Variants in NUP155 observed in about 807,000 individuals in gnomAD.
NUP155 encodes the protein nucleoporin 155, also known as nuclear pore complex protein Nup155.
A neutral mutation model predicts 180.4 loss-of-function variants in NUP155; 71 were observed. The observed-to-expected ratio is 0.39, with a 90% CI of 0.33 to 0.48. The LOEUF is 0.48. Ranked by LOEUF, NUP155 falls within the 20% of genes least tolerant of loss-of-function variation. The probability of loss-of-function intolerance (pLI) is 0.91; values close to 1 mark genes in which losing one functional copy is unlikely to be tolerated. For missense variants in NUP155, 1,553 were observed against 1,648.9 expected (o/e 0.94, Z 1.01); for synonymous variants, 582 against 559.5 (o/e 1.04, Z -0.57).
In NUP155 at chr5:37,333,556, A is replaced by G. The variant is rs1745116885; in HGVS notation, c.1425T>C (p.Pro475=). The change falls in exon 13 of 35, where the codon CCT becomes CCC. Residue 475 remains proline (P), a synonymous_variant. Coordinates refer to ENST00000231498, the MANE Select transcript of NUP155 (RefSeq NM_153485.3). Reference sequence around the variant, plus strand: ...TTATTGGAATATGATCCTTGTTTAAAGGTGTAATTATTTTATCTACTTTCA... The same window carrying G: ...TTATTGGAATATGATCCTTGTTTAAGGGTGTAATTATTTTATCTACTTTCA... ...DELKVDKIIT[P]LNKDHIPITD... is the part of the protein sequence containing the mutation. 1 of 1,613,806 alleles carries G rather than the reference A, an allele frequency of 6.2e-7. No individual in the cohort carries two copies. Among genetic ancestry groups the G allele is most frequent in the South Asian group, 1.1e-5 (1 of 91,084 alleles).
intron 12 of NUP155, among the ~76,000 whole-genome samples, chr5:37,337,355 CTT>C (rs1745397209): frequency 1.3e-5 from 2 of 151,668 alleles, no homozygotes; most frequent in African/African-American, 4.8e-5. Context: ...ACTCTTCAAA[CTT>C]TATGTTTGAA....
intron 20 of NUP155, among the ~76,000 whole-genome samples, chr5:37,322,368 T>C (rs1414218568): frequency 1.3e-5 from 2 of 152,280 alleles, no homozygotes; most frequent in East Asian, 1.9e-4. Flanking sequence ...TGCCATGTGA[T>C]TATTATTTTT....
intron 30 of NUP155, among the ~76,000 whole-genome samples, chr5:37,300,025 CAAA>C (rs34593365): frequency 2.3e-5 from 2 of 87,888 alleles, no homozygotes; most frequent in Non-Finnish European, 4.9e-5. Context: ...CTCCCCCCGC[CAAA>C]AAAAAAAAAA....
intron 25 of NUP155, among the ~76,000 whole-genome samples, chr5:37,306,063 T>G (rs1743136354): frequency 6.6e-6 from 1 of 152,088 alleles, no homozygotes; most frequent in Non-Finnish European, 1.5e-5. Flanking sequence ...TGGTTAAACA[T>G]TAAAAGGGTA....
chr5:37,368,339 C>G (rs912146805), intron 1 of NUP155, among the ~76,000 whole-genome samples: 1 of 151,114 alleles, frequency 6.6e-6, no homozygotes, highest in African/African-American at 2.4e-5. Flanking sequence ...CCCACCTCAG[C>G]CTCCCAAGTA....
At chr5:37,328,104 A>G (rs1744724160) in intron 17 of NUP155, among the ~76,000 whole-genome samples, 1 of 152,234 alleles carries the variant, frequency 6.6e-6, no homozygotes, top group African/African-American at 2.4e-5. Context: ...AATAGAACTG[A>G]TTACACAGAT....
At chr5:37,345,772 T>C (rs1746040937) in intron 9 of NUP155, among the ~76,000 whole-genome samples, 1 of 151,672 alleles carries the variant, frequency 6.6e-6, no homozygotes, top group African/African-American at 2.4e-5. Context: ...GGCACAGTGG[T>C]GCGCGCCTAT....
chr5:37,316,473 A>AT (rs920144997), intron 21 of NUP155, among the ~76,000 whole-genome samples: 2 of 151,874 alleles, frequency 1.3e-5, no homozygotes, highest in African/African-American at 2.4e-5. Context: ...TTTGGTGTTT[A>AT]TTTTTTTTAA....
intron 24 of NUP155, among the ~76,000 whole-genome samples, chr5:37,307,779 G>A (rs556656650): frequency 7.2e-5 from 11 of 151,870 alleles, no homozygotes; most frequent in South Asian, 2.1e-4. Context: ...AAAATTAGCT[G>A]GGCCTGGTGG....
intron 23 of NUP155, among the ~76,000 whole-genome samples, chr5:37,310,247 G>A (rs1047608777): frequency 6.6e-6 from 1 of 152,134 alleles, no homozygotes; most frequent in Non-Finnish European, 1.5e-5. Context: ...GCCTGCTTGA[G>A]TCTAGGACTT....
intron 9 of NUP155, among the ~76,000 whole-genome samples, chr5:37,347,940 T>C (rs1746206096): frequency 6.6e-6 from 1 of 151,724 alleles, no homozygotes; most frequent in South Asian, 2.1e-4. Context: ...ATCGAGACCA[T>C]CCTGGCCAAC....
chr5:37,359,896 T>A (rs1442308560), intron 3 of NUP155, among the ~76,000 whole-genome samples: 1 of 152,150 alleles, frequency 6.6e-6, no homozygotes, highest in Non-Finnish European at 1.5e-5. Context: ...GACGTGTGGA[T>A]CACTTGAGGC....
At chr5:37,355,561 A>G (rs929492802) in intron 4 of NUP155, among the ~76,000 whole-genome samples, 1 of 136,518 alleles carries the variant, frequency 7.3e-6, no homozygotes. Context: ...ATATATATAT[A>G]TTTATTTATT....
In NUP155 at chr5:37,330,062, G is replaced by T. The variant is rs746087822; in HGVS notation, c.1700C>A (p.Ala567Asp). 11 of 1,613,430 alleles carry T rather than the reference G, an allele frequency of 6.8e-6. No homozygotes were observed. The South Asian group carries it at 9.9e-5, about 15-fold the overall frequency. Reference protein sequence around the residue: ...STAACDREVSAWATRAFFRYG... With the variant: ...STAACDREVSDWATRAFFRYG... The stretch of plus-strand genomic sequence containing the variant: ...CCTAAAGAAAGCCCGAGTAGCCCAG[G>T]CAGATACTTCTCTATCACAGGCAGC... Residue 567 changes from alanine to aspartate, a missense_variant, in exon 15 of 35, where the codon GCC becomes GAC. By Grantham distance (126) the Ala-to-Asp change is moderately radical. Coordinates refer to ENST00000231498, the MANE Select transcript of NUP155 (RefSeq NM_153485.3).
intron 14 of NUP155, among the ~76,000 whole-genome samples, 188 bp from the exon 15 acceptor site, chr5:37,330,320 G>A (rs1348606000): frequency 6.6e-6 from 1 of 152,162 alleles, no homozygotes; most frequent in Non-Finnish European, 1.5e-5. Flanking sequence ...TTCATCATAA[G>A]CACTAGGATT....
intron 19 of NUP155, among the ~76,000 whole-genome samples, chr5:37,325,091 C>T (rs1744501865): frequency 6.6e-6 from 1 of 152,080 alleles, no homozygotes; most frequent in South Asian, 2.1e-4. Context: ...GCAGGGGTTA[C>T]GATGGGCCGA....
At chr5:37,353,303 A>G (rs1270480456) in intron 4 of NUP155, among the ~76,000 whole-genome samples, 3 of 152,106 alleles carry the variant, frequency 2.0e-5, no homozygotes, top group Non-Finnish European at 2.9e-5. Flanking sequence ...TGAACTTTAA[A>G]AAGTAAGAAA....
rs1462224601 is a variant in NUP155 at position 37,296,020 on chromosome 5, C to T, written c.3794-1555G>A. On this transcript the variant is annotated intron_variant, in intron 32 of 34. Transcript: ENST00000231498. Reference sequence around the variant, plus strand: ...AGGGAGGAGGGGGGGGTCAGCCCCCCGCCCGGCCAGCCGCCCTGTCCGGGA... The same window carrying T: ...AGGGAGGAGGGGGGGGTCAGCCCCCTGCCCGGCCAGCCGCCCTGTCCGGGA... Among the ~76,000 whole-genome samples the T allele has an allele frequency of 1.2e-4, 18 of 144,550 alleles. 1 individual carries two copies. The highest frequency in any genetic ancestry group is 1.7e-4 in the Non-Finnish European group (11 of 65,208). 94.8% of individuals were successfully genotyped at this position (144,550 alleles called of 152,430 possible). A position where few individuals can be genotyped will look rare whatever the true frequency, so the allele number is the denominator to read the frequency against.
At chr5:37,353,667 A>G (rs1746619792) in intron 4 of NUP155, among the ~76,000 whole-genome samples, 1 of 152,216 alleles carries the variant, frequency 6.6e-6, no homozygotes, top group Non-Finnish European at 1.5e-5. Context: ...CATAGGTTAA[A>G]TAAAATGAGC....
Sources: gnomAD v4.1 joint callset for allele counts (sites outside exome capture counted in the v4.1 genomes callset) on GRCh38, gnomAD v4.1.1 for gene constraint, MANE v1.5 for transcripts, NCBI Gene and HGNC (gene_info 2026-07-23, HGNC 2026-07-21) for gene names.